Variants in TKTL1 observed in about 807,000 individuals in gnomAD.
The protein encoded by TKTL1 is transketolase-like protein 1.
In TKTL1, 1 loss-of-function variant was observed where a neutral mutation model predicts 39.3. The observed-to-expected ratio is 0.03, with a 90% CI of 0.01 to 0.12. The LOEUF is 0.12. Among genes scored for constraint, TKTL1 ranks in the 10% least tolerant of loss-of-function variants. The probability of loss-of-function intolerance (pLI) is 1.00; values close to 1 mark genes in which losing one functional copy is unlikely to be tolerated. For missense variants in TKTL1, 575 were observed against 509.6 expected (o/e 1.13, Z -1.24); for synonymous variants, 262 against 193.8 (o/e 1.35, Z -2.92).
chrX:154,324,530 C>T (rs1468643354), intron 9 of TKTL1, among the ~76,000 whole-genome samples: 4 of 111,855 alleles, frequency 3.6e-5, no homozygotes, highest in African/African-American at 1.3e-4. Context: ...TCAAGAGAGG[C>T]GCAAAACAAG....
chrX:154,303,081 G>A (rs2067286039), intron 1 of TKTL1, among the ~76,000 whole-genome samples: 1 of 111,270 alleles, frequency 9.0e-6, no homozygotes, highest in African/African-American at 3.3e-5. Context: ...CATTGCATTA[G>A]CGCACAAAAT....
rs1603351760 is a variant in TKTL1 at position 154,305,439 on chromosome X, C to T, written c.252+18C>T. The T allele has an allele frequency of 2.5e-6, 3 of 1,198,497 alleles. No homozygotes were observed. The highest frequency in any genetic ancestry group is 3.4e-6 in the Non-Finnish European group (3 of 886,134). On this transcript the variant is annotated intron_variant, in intron 2 of 12. Transcript: ENST00000369915. ...TCGCAAAGGTATGCCGGTGGGGAGC[C>T]CAGGGCTGCTGTGGCGCCTGCTGGT...
intron 2 of TKTL1, 92 bp downstream of exon 2, chrX:154,305,513 C>T: frequency 9.6e-7 from 1 of 1,041,438 alleles, no homozygotes; most frequent in Non-Finnish European, 1.3e-6. Flanking sequence ...CTGAAATGGG[C>T]CTCGTTTATT....
In TKTL1 at chrX:154,329,732, T is replaced by C. The variant is rs1557172845; in HGVS notation, c.*44T>C. The C allele has an allele frequency of 8.5e-7, 1 of 1,172,225 alleles. No homozygotes were observed. On this transcript the variant is annotated 3_prime_UTR_variant, in exon 13 of 13. Transcript: ENST00000369915. ...TCTTTTGGCCTCTTTACCCTGTGTT[T>C]ATGTTTGTTCCAAAACCATCATTTA...
At chrX:154,298,219 A>C (rs1260563493) in intron 1 of TKTL1, among the ~76,000 whole-genome samples, 1 of 108,317 alleles carries the variant, frequency 9.2e-6, no homozygotes, top group African/African-American at 3.4e-5. Flanking sequence ...ACTTGATTGT[A>C]CTTTTTTTTT....
At chrX:154,323,503 C>T (rs1162959669) in intron 9 of TKTL1, among the ~76,000 whole-genome samples, 166 bp downstream of exon 9, 4 of 112,068 alleles carry the variant, frequency 3.6e-5, no homozygotes, top group Non-Finnish European at 7.5e-5. Flanking sequence ...CACACAAACA[C>T]ATTTGCCTTG....
In TKTL1 at chrX:154,330,266, C is replaced by T. The variant is rs2067528090; in HGVS notation, c.*578C>T. On this transcript the variant is annotated 3_prime_UTR_variant, in exon 13 of 13. Coordinates refer to ENST00000369915, the MANE Select transcript of TKTL1 (RefSeq NM_012253.4). ...AGAGGCTGTCAGGCAGCAGCGAAAG[C>T]TTGTTAGGATGTCCTGTGCTGCTTG... The T allele has an allele frequency of 8.6e-6, 1 of 116,399 alleles. No individual in the cohort carries two copies. Among genetic ancestry groups the T allele is most frequent in the Non-Finnish European group, 1.8e-5 (1 of 55,234 alleles). The allele number at this position is 116,399 out of a possible 1,213,427, so 9.6% of individuals were successfully genotyped here.
chrX:154,296,096 G>A lies in TKTL1; in HGVS notation c.134+103G>A, dbSNP rs1313841970. The A allele has an allele frequency of 4.3e-5, 44 of 1,033,705 alleles. No homozygotes were observed. In the Admixed American group the frequency reaches 1.1e-3, roughly 27 times the overall value. 85.2% of individuals were successfully genotyped at this position (1,033,705 alleles called of 1,213,427 possible). On this transcript the variant is annotated intron_variant, in intron 1 of 12. Transcript: ENST00000369915. Reference sequence around the variant, plus strand: ...TGTGGTGAAGGGAGAGCCTTCAGAGGCACAATGGGCTGTGTCGTAATGCCC... The same window carrying A: ...TGTGGTGAAGGGAGAGCCTTCAGAGACACAATGGGCTGTGTCGTAATGCCC...
At chrX:154,318,463 G>A (rs1199455105) in intron 7 of TKTL1, among the ~76,000 whole-genome samples, 1 of 107,779 alleles carries the variant, frequency 9.3e-6, no homozygotes, top group Non-Finnish European at 1.9e-5. Context: ...ACTTTGGGAG[G>A]CCGAGGCGGA....
Position 154,310,952 on chromosome X carries a change from A to G in TKTL1, c.467A>G (p.Asn156Ser), listed in dbSNP as rs782722253. The change falls in exon 4 of 13, where the codon AAC becomes AGC. Residue 156 changes from asparagine (N) to serine (S), a missense_variant. Physicochemically the swap from Asn to Ser is conservative, Grantham distance 46. Coordinates refer to ENST00000369915, the MANE Select transcript of TKTL1 (RefSeq NM_012253.4). ...AATCTTGTGGCAATCTTTGATGTGA[A>G]CCGCCTGGGACACAGTGGTGCATTG... ...LDNLVAIFDV[N>S]RLGHSGALPA... The G allele has an allele frequency of 1.3e-5, 16 of 1,210,227 alleles. No individual in the cohort carries two copies. In the African/African-American group the frequency reaches 2.6e-4, roughly 20 times the overall value.
intron 2 of TKTL1, among the ~76,000 whole-genome samples, chrX:154,307,232 A>G (rs1557167400): frequency 9.0e-6 from 1 of 111,007 alleles, no homozygotes; most frequent in East Asian, 2.8e-4. Flanking sequence ...AAAAAGAAAA[A>G]TCTAGACTGT....
chrX:154,297,518 A>C (rs371884293), intron 1 of TKTL1, among the ~76,000 whole-genome samples: 3 of 111,243 alleles, frequency 2.7e-5, no homozygotes, highest in East Asian at 5.7e-4. Flanking sequence ...GGCCTCCCAA[A>C]GTGCTGGGAT....
In TKTL1 at chrX:154,315,274, T is replaced by G. The variant is rs139525582; in HGVS notation, c.966T>G (p.Ser322=). The G allele has an allele frequency of 9.7e-5, 117 of 1,206,259 alleles. 1 individual carries two copies. The African/African-American group carries it at 1.7e-3, about 18-fold the overall frequency. The change falls in exon 7 of 13, where the codon TCT becomes TCG. Residue 322 remains serine (S), a synonymous_variant. Transcript: ENST00000369915. ...LDGDTRYSTF[S]EIFNKEYPER... Reference sequence around the variant, plus strand: ...GTGACACCAGGTACTCTACTTTCTCTGAGATATTCAACAAGGAGTACCCTG... The same window carrying G: ...GTGACACCAGGTACTCTACTTTCTCGGAGATATTCAACAAGGAGTACCCTG...
chrX:154,325,692 G>T (rs1557171809), intron 10 of TKTL1, among the ~76,000 whole-genome samples: 1 of 112,510 alleles, frequency 8.9e-6, no homozygotes, highest in African/African-American at 3.2e-5. Context: ...AGCGGTCGTG[G>T]CTATAATTTA....
At chrX:154,316,031 C>G (rs2067396925) in intron 7 of TKTL1, among the ~76,000 whole-genome samples, 1 of 111,873 alleles carries the variant, frequency 8.9e-6, no homozygotes, top group African/African-American at 3.3e-5. Context: ...CACAGGCCAG[C>G]AGGTCTTATG....
chrX:154,295,925 G>T lies in TKTL1; in HGVS notation c.66G>T (p.Gln22His). 2 of 1,211,876 alleles carry T rather than the reference G, an allele frequency of 1.7e-6. No individual in the cohort carries two copies. The highest frequency in any genetic ancestry group is 3.5e-5 in the South Asian group (2 of 57,030). ...CCAGACCTGACAGGGGCACCTTGCAGGTGTTGCAAGATATGGCCAGCCGCT... is the reference window on the plus strand; with the variant it reads ...CCAGACCTGACAGGGGCACCTTGCATGTGTTGCAAGATATGGCCAGCCGCT... ...EEARPDRGTL[Q>H]VLQDMASRLR... Residue 22 changes from glutamine (Q) to histidine (H), a missense_variant, in exon 1 of 13, where the codon CAG becomes CAT. Gln to His is a conservative substitution (Grantham distance 24, BLOSUM62 0). Coordinates refer to ENST00000369915, the MANE Select transcript of TKTL1 (RefSeq NM_012253.4).
intron 9 of TKTL1, 21 bp downstream of exon 9, chrX:154,323,358 G>A (rs1228362848): frequency 8.3e-7 from 1 of 1,208,781 alleles, no homozygotes; most frequent in East Asian, 3.0e-5. Flanking sequence ...GGGGACACTA[G>A]TTTCAGACAG....
chrX:154,298,839 GTTAT>G (rs1239428256), intron 1 of TKTL1, among the ~76,000 whole-genome samples: 11 of 110,673 alleles, frequency 9.9e-5, no homozygotes, highest in African/African-American at 2.3e-4. Context: ...GATTTGAAGG[GTTAT>G]TTATTTATTA....
chrX:154,296,573 G>A (rs1557164596), intron 1 of TKTL1, among the ~76,000 whole-genome samples: 1 of 111,752 alleles, frequency 8.9e-6, no homozygotes, highest in Non-Finnish European at 1.9e-5. Flanking sequence ...CGGGAGGCTT[G>A]CTTGTGCTGT....
Sources: gnomAD v4.1 joint callset for allele counts (sites outside exome capture counted in the v4.1 genomes callset) on GRCh38, gnomAD v4.1.1 for gene constraint, MANE v1.5 for transcripts, NCBI Gene and HGNC (gene_info 2026-07-23, HGNC 2026-07-21) for gene names.